The following RYR2 variants were observed in gnomAD, a reference collection of about 807,000 sequenced individuals.
RYR2 encodes cardiac muscle ryanodine receptor-calcium release channel.
A neutral mutation model predicts 601.1 loss-of-function variants in RYR2; 227 were observed. The ratio of observed to expected loss-of-function variants is 0.38; its 90% CI spans 0.34 to 0.42. The LOEUF (loss-of-function observed/expected upper bound fraction) is 0.42, where lower values mean the gene tolerates loss of function less well. Ranked by LOEUF, RYR2 falls within the 10% of genes least tolerant of loss-of-function variation. The probability of loss-of-function intolerance (pLI) is 1.00; values close to 1 mark genes in which losing one functional copy is unlikely to be tolerated. For missense variants in RYR2, 4,646 were observed against 6,156.5 expected, an observed-to-expected ratio of 0.75 and a Z score of 8.21; for synonymous variants, 2,223 against 2,175.1, an observed-to-expected ratio of 1.02 and a Z score of -0.61.
At chr1:237,383,834 A>G (rs1701765735) in intron 8 of RYR2, among the ~76,000 whole-genome samples, 1 of 152,080 alleles carries the variant, frequency 6.6e-6, no homozygotes, top group African/African-American at 2.4e-5. Context: ...GTGCCCAGAG[A>G]TTGGTGCCCA....
chr1:237,754,316 A>G (rs1279861419), intron 80 of RYR2, among the ~76,000 whole-genome samples: 1 of 152,180 alleles, frequency 6.6e-6, no homozygotes, highest in African/African-American at 2.4e-5. Context: ...AGGTTCATAC[A>G]TCATGTGTTG....
intron 82 of RYR2, 139 bp downstream of exon 82, chr1:237,757,915 C>A: frequency 1.2e-5 from 6 of 514,012 alleles, no homozygotes; most frequent in Non-Finnish European, 1.7e-5. Context: ...GAAGAGAGAG[C>A]AAAAGAGGGA....
chr1:237,346,533 T>C (rs547727276), intron 3 of RYR2, among the ~76,000 whole-genome samples: 1 of 152,290 alleles, frequency 6.6e-6, no homozygotes, highest in East Asian at 1.9e-4. Flanking sequence ...GCATTTATAC[T>C]TAAGAATAAA....
In RYR2 at chr1:237,708,899, T is replaced by C. The variant is rs2149066640; in HGVS notation, c.9943T>C (p.Leu3315=). Reference sequence around the variant, plus strand: ...AATAAATAAAGTGAAACCTCAGCTCTTGAAAACTCATTTCTTGCCGTTAAT... The same window carrying C: ...AATAAATAAAGTGAAACCTCAGCTCCTGAAAACTCATTTCTTGCCGTTAAT... ...PIINKVKPQL[L]KTHFLPLMEK... Residue 3315 remains leucine, a synonymous_variant, in exon 69 of 105, where the codon TTG becomes CTG. Transcript: ENST00000366574. 1 of 1,612,028 alleles carries C rather than the reference T, an allele frequency of 6.2e-7. No individual in the cohort carries two copies. The highest frequency in any genetic ancestry group is 8.5e-7 in the Non-Finnish European group (1 of 1,178,450).
At chr1:237,416,398 C>T (rs1377019745) in intron 10 of RYR2, among the ~76,000 whole-genome samples, 2 of 152,170 alleles carry the variant, frequency 1.3e-5, no homozygotes, top group African/African-American at 4.8e-5. Flanking sequence ...TGGATACTTA[C>T]AGCAATTACT....
intron 26 of RYR2, 66 bp from the exon 27 acceptor site, chr1:237,550,478 G>A (rs1670276280): frequency 6.5e-7 from 1 of 1,539,294 alleles, no homozygotes; most frequent in African/African-American, 1.4e-5. Context: ...TGATGTATTT[G>A]GTAGCTACTT....
At chr1:237,147,211 T>A (rs1325112044) in intron 1 of RYR2, among the ~76,000 whole-genome samples, 1 of 150,954 alleles carries the variant, frequency 6.6e-6, no homozygotes, top group Non-Finnish European at 1.5e-5. Context: ...GAAATCTTTC[T>A]TTTTAATTGA....
intron 87 of RYR2, among the ~76,000 whole-genome samples, chr1:237,777,375 C>T (rs1022941977): frequency 1.3e-5 from 2 of 152,138 alleles, no homozygotes; most frequent in Admixed American, 1.3e-4. Flanking sequence ...GGAAAAAGTT[C>T]TATTTCAACA....
rs778248995 is a variant in RYR2, at chr1:237,786,001, A to G, written c.13293A>G (p.Glu4431=). The G allele has an allele frequency of 5.7e-6, 9 of 1,592,630 alleles. No individual in the cohort carries two copies. The Admixed American group carries it at 1.6e-4, about 28-fold the overall frequency. ...AGGCAAAAGAAGAAGAAAAGGAAGA[A>G]AAAGAAGAAACCAAATCTGAACCTG... is the stretch of plus-strand genomic sequence containing the variant. ...EQKAKEEEKE[E]KEETKSEPEK... The change falls in exon 91 of 105, where the codon GAA becomes GAG. Residue 4431 remains glutamate, a synonymous_variant. Transcript: ENST00000366574.
At chr1:237,658,046 T>C in intron 54 of RYR2, 24 bp downstream of exon 54, 10 of 1,321,264 alleles carry the variant, frequency 7.6e-6, no homozygotes, top group Non-Finnish European at 1.0e-5. Flanking sequence ...TACATTCTAA[T>C]TCAGTAGTCA....
At chr1:237,072,168 C>T (rs1664430904) in intron 1 of RYR2, among the ~76,000 whole-genome samples, 1 of 152,202 alleles carries the variant, frequency 6.6e-6, no homozygotes, top group South Asian at 2.1e-4. Flanking sequence ...GGGGGTCCTG[C>T]TTGTTCCTCG....
At chr1:237,293,668 T>C (rs1339303694) in intron 2 of RYR2, among the ~76,000 whole-genome samples, 2 of 152,058 alleles carry the variant, frequency 1.3e-5, no homozygotes, top group Non-Finnish European at 2.9e-5. Context: ...TTATAAAGGA[T>C]AGTACAAAGC....
intron 2 of RYR2, among the ~76,000 whole-genome samples, chr1:237,313,576 A>G (rs568856140): frequency 6.6e-6 from 1 of 152,318 alleles, no homozygotes; most frequent in South Asian, 2.1e-4. Context: ...TCCAGAAAGA[A>G]TCAATCTTGA....
intron 1 of RYR2, among the ~76,000 whole-genome samples, chr1:237,202,850 G>T (rs1681350614): frequency 6.6e-6 from 1 of 152,200 alleles, no homozygotes; most frequent in Non-Finnish European, 1.5e-5. Context: ...TGGTGGAAGG[G>T]ATGGAAAGGA....
chr1:237,608,810 T>G (rs1388636586), intron 35 of RYR2, among the ~76,000 whole-genome samples: 1 of 150,986 alleles, frequency 6.6e-6, no homozygotes, highest in African/African-American at 2.4e-5. Context: ...TTTTTTTTTT[T>G]TTTTTTTTTT....
chr1:237,620,414 G>A (rs1678948907), intron 38 of RYR2, among the ~76,000 whole-genome samples: 1 of 152,054 alleles, frequency 6.6e-6, no homozygotes, highest in Admixed American at 6.6e-5. Flanking sequence ...TAGCAAGTCA[G>A]TAAAAATAAA....
At chr1:237,570,313 G>T (rs2148285261) in intron 29 of RYR2, among the ~76,000 whole-genome samples, 1 of 151,480 alleles carries the variant, frequency 6.6e-6, no homozygotes, top group East Asian at 1.9e-4. Flanking sequence ...GCCACACAGG[G>T]CTGTTTATAT....
chr1:237,520,910 C>G (rs1249053281), intron 24 of RYR2, among the ~76,000 whole-genome samples: 2 of 151,992 alleles, frequency 1.3e-5, no homozygotes, highest in African/African-American at 4.8e-5. Context: ...ATGGTGCACA[C>G]CAGTAATCCC....
chr1:237,685,738 GT>G (rs1443501066), intron 62 of RYR2, among the ~76,000 whole-genome samples: 1 of 152,120 alleles, frequency 6.6e-6, no homozygotes, highest in Non-Finnish European at 1.5e-5. Flanking sequence ...AGTTTCTCCT[GT>G]TTTATTGTCT....
Sources: allele counts gnomAD v4.1 joint callset (sites outside exome capture counted in the v4.1 genomes callset), GRCh38; gene constraint gnomAD v4.1.1; transcripts MANE v1.5; gene names NCBI Gene and HGNC (gene_info 2026-07-23, HGNC 2026-07-21).